The following DLEU7 variants were observed in gnomAD, a reference collection of about 807,000 sequenced individuals.
The protein encoded by DLEU7 is deleted in lymphocytic leukemia 7, also known as leukemia-associated protein 7.
In DLEU7, 17 loss-of-function variants were observed where a neutral mutation model predicts 16.0. That is an observed-to-expected ratio of 1.06 (90% confidence interval 0.73 to 1.59). The LOEUF (loss-of-function observed/expected upper bound fraction) is 1.59. DLEU7 is among the 40% of genes most tolerant of loss of function. The pLI is 0.00. For missense variants in DLEU7, 308 were observed against 314.9 expected, an observed-to-expected ratio of 0.98 and a Z score of 0.17; for synonymous variants, 113 against 139.8, an observed-to-expected ratio of 0.81 and a Z score of 1.35.
intron 1 of DLEU7, among the ~76,000 whole-genome samples, chr13:50,763,841 C>G (rs577714798): frequency 7.2e-4 from 109 of 152,336 alleles, no homozygotes; most frequent in African/African-American, 2.6e-3. Context: ...GTTTCCACAT[C>G]TGTAAACTGC....
At chr13:50,768,453 A>G (rs1168636214) in intron 1 of DLEU7, among the ~76,000 whole-genome samples, 2 of 108,532 alleles carry the variant, frequency 1.8e-5, no homozygotes, top group East Asian at 6.6e-4. Flanking sequence ...ACCCCACGAC[A>G]GGCCCTGGTG....
chr13:50,761,635 C>G (rs1311619408), intron 1 of DLEU7, among the ~76,000 whole-genome samples: 1 of 152,118 alleles, frequency 6.6e-6, no homozygotes, highest in African/African-American at 2.4e-5. Context: ...AGGAGACATG[C>G]CTGCTCTTGA....
chr13:50,779,961 C>T (rs770624382), intron 1 of DLEU7, among the ~76,000 whole-genome samples: 3 of 152,050 alleles, frequency 2.0e-5, no homozygotes, highest in Non-Finnish European at 4.4e-5. Context: ...CCTATTAAGC[C>T]GTTAACACAT....
chr13:50,829,494 A>G (rs764495241), intron 1 of DLEU7, among the ~76,000 whole-genome samples: 1 of 152,180 alleles, frequency 6.6e-6, no homozygotes, highest in Non-Finnish European at 1.5e-5. Context: ...TTAAAAATAT[A>G]GTTGTGGGCA....
At chr13:50,763,937 C>A (rs544757743) in intron 1 of DLEU7, among the ~76,000 whole-genome samples, 1 of 152,292 alleles carries the variant, frequency 6.6e-6, no homozygotes, top group African/African-American at 2.4e-5. Context: ...CTGTAAAGCA[C>A]CATAAAATGG....
intron 1 of DLEU7, among the ~76,000 whole-genome samples, chr13:50,753,418 A>T (rs2137736781): frequency 6.6e-6 from 1 of 152,316 alleles, no homozygotes; most frequent in Non-Finnish European, 1.5e-5. Flanking sequence ...TGGGAGGCTC[A>T]GGCATGGCGG....
chr13:50,771,772 T>A (rs1309027609), intron 1 of DLEU7, among the ~76,000 whole-genome samples: 1 of 152,224 alleles, frequency 6.6e-6, no homozygotes, highest in African/African-American at 2.4e-5. Flanking sequence ...TGTAGATGTC[T>A]ATTAGGTCTG....
intron 1 of DLEU7, among the ~76,000 whole-genome samples, chr13:50,786,675 CT>C: frequency 6.6e-6 from 1 of 152,292 alleles, no homozygotes; most frequent in African/African-American, 2.4e-5. Context: ...CATAATTTCT[CT>C]GTGCAAATGA....
rs111710703 is a variant in DLEU7 at position 50,799,422 on chromosome 13, T to C, written c.459+43766A>G. On this transcript the variant is annotated intron_variant, in intron 1 of 1. Transcript: ENST00000400393. ...CTGTTCTCTATTCCACTTTGGTCCA[T>C]GTCTCACCTTCACTCCAGCCGGTTG... Among the ~76,000 whole-genome samples, 1,043 of 152,360 alleles carry C rather than the reference T, an allele frequency of 6.8e-3. 2 individuals carry two copies. The highest frequency in any genetic ancestry group is 9.9e-3 in the South Asian group (48 of 4,828).
intron 1 of DLEU7, among the ~76,000 whole-genome samples, chr13:50,757,994 C>G: frequency 6.7e-6 from 1 of 149,132 alleles, no homozygotes; most frequent in African/African-American, 2.5e-5. Flanking sequence ...TTATACCTAA[C>G]TTGGTCCCCA....
chr13:50,812,069 CAAAAAA>C (rs35178818), intron 1 of DLEU7, among the ~76,000 whole-genome samples: 2 of 104,596 alleles, frequency 1.9e-5, no homozygotes, highest in African/African-American at 7.2e-5. Flanking sequence ...GATTCCATCT[CAAAAAA>C]AAAAAAAAAA....
chr13:50,785,194 G>T (rs1029772686), intron 1 of DLEU7, among the ~76,000 whole-genome samples: 1 of 152,088 alleles, frequency 6.6e-6, no homozygotes, highest in African/African-American at 2.4e-5. Context: ...ATATTCAATG[G>T]GCACCTGGGG....
chr13:50,747,371 T>TGTGTGTGTGTGTGTGAGA (rs547782037), intron 1 of DLEU7, among the ~76,000 whole-genome samples: 3 of 66,028 alleles, frequency 4.5e-5, no homozygotes, highest in African/African-American at 2.6e-4. Context: ...TGTGTGTGTG[T>TGTGTGTGTGTGTGTGAGA]GACAGAGAGG....
At chr13:50,741,897 C>T (rs9568463) in intron 1 of DLEU7, among the ~76,000 whole-genome samples, 4,343 of 152,176 alleles carry the variant, frequency 0.029, 259 homozygotes, top group East Asian at 0.21. Flanking sequence ...ATGCACAGTA[C>T]GTGCAAATTG....
At chr13:50,775,757 T>A (rs1367121405) in intron 1 of DLEU7, among the ~76,000 whole-genome samples, 1 of 152,224 alleles carries the variant, frequency 6.6e-6, no homozygotes, top group Non-Finnish European at 1.5e-5. Flanking sequence ...TCTGCTAGCT[T>A]TTGTTTATCT....
chr13:50,817,622 C>T (rs1448991797), intron 1 of DLEU7, among the ~76,000 whole-genome samples: 2 of 152,068 alleles, frequency 1.3e-5, no homozygotes, highest in Non-Finnish European at 2.9e-5. Context: ...GGCACCAGAG[C>T]ATGAAGGAAA....
chr13:50,818,724 T>G (rs1484552479), downstream of DLEU7: 2 of 152,216 alleles, frequency 1.3e-5, no homozygotes, highest in Non-Finnish European at 2.9e-5. Context: ...CAGCACTCCC[T>G]CTGAAGGCGC....
At chr13:50,833,234 A>G (rs1030940902) in intron 1 of DLEU7, among the ~76,000 whole-genome samples, 4 of 152,224 alleles carry the variant, frequency 2.6e-5, no homozygotes, top group Non-Finnish European at 5.9e-5. Flanking sequence ...AGCGTATTCA[A>G]ACAGGAAGAG....
intron 1 of DLEU7, among the ~76,000 whole-genome samples, chr13:50,771,139 T>C (rs955460459): frequency 6.6e-6 from 1 of 152,342 alleles, no homozygotes; most frequent in South Asian, 2.1e-4. Context: ...TTTTATTGTG[T>C]CTATTTGATT....
Sources: allele counts gnomAD v4.1 joint callset (sites outside exome capture counted in the v4.1 genomes callset), GRCh38; gene constraint gnomAD v4.1.1; transcripts MANE v1.5; gene names NCBI Gene and HGNC (gene_info 2026-07-23, HGNC 2026-07-21).